Variants in ROBO2 observed in about 807,000 individuals in gnomAD.
The protein encoded by ROBO2 is roundabout homolog 2.
In ROBO2, 53 loss-of-function variants were observed where a neutral mutation model predicts 160.8. That is an observed-to-expected ratio of 0.33 (90% CI 0.26 to 0.41). The LOEUF is 0.41. ROBO2 is among the 10% of genes least tolerant of loss of function. The pLI is 1.00. For synonymous variants in ROBO2, 664 were observed against 611.7 expected, an observed-to-expected ratio of 1.09 and a Z score of -1.26; for missense variants, 1,577 against 1,722.4, an observed-to-expected ratio of 0.92 and a Z score of 1.49.
chr3:76,415,604 C>G (rs573307754), intron 2 of ROBO2, among the ~76,000 whole-genome samples: 3 of 152,298 alleles, frequency 2.0e-5, no homozygotes, highest in African/African-American at 7.2e-5. Context: ...AGTATTTATA[C>G]TGTGGTGTAT....
rs149943822 is a variant in ROBO2, at chr3:76,650,874, C to T, written c.110-447140C>T. Among the ~76,000 whole-genome samples the T allele has an allele frequency of 2.1e-4, 32 of 152,186 alleles. No homozygotes were observed. In the East Asian group the frequency reaches 5.4e-3, roughly 26 times the overall value. ...TACAGGAAAGGATTAAACCTTAAGA[C>T]GTTAATAGTAGCTAAAGTGTAGTAA... On this transcript the variant is annotated intron_variant, in intron 2 of 26. Coordinates refer to the ROBO2 transcript ENST00000487694.
At chr3:77,606,374 G>A (rs572806544) in intron 20 of ROBO2, among the ~76,000 whole-genome samples, 98 of 152,260 alleles carry the variant, frequency 6.4e-4, no homozygotes, top group African/African-American at 2.3e-3. Flanking sequence ...TAACTATTGA[G>A]TAACTTATCC....
intron 2 of ROBO2, among the ~76,000 whole-genome samples, chr3:76,762,862 A>G (rs972088673): frequency 5.3e-5 from 8 of 151,706 alleles, no homozygotes; most frequent in African/African-American, 1.9e-4. Context: ...TGTTATTTTC[A>G]TTTATATTTC....
chr3:76,335,099 G>T (rs908152953), intron 2 of ROBO2, among the ~76,000 whole-genome samples: 11 of 150,886 alleles, frequency 7.3e-5, no homozygotes, highest in Admixed American at 2.0e-4. Context: ...CAAACTCCTG[G>T]ACTCAAGTAC....
intron 2 of ROBO2, among the ~76,000 whole-genome samples, chr3:76,450,391 C>G (rs1301524956): frequency 1.3e-5 from 2 of 151,958 alleles, no homozygotes; most frequent in Non-Finnish European, 2.9e-5. Flanking sequence ...CTCTTTTAAT[C>G]AAAACTTATT....
intron 2 of ROBO2, among the ~76,000 whole-genome samples, chr3:76,836,562 G>T (rs953151015): frequency 2.0e-5 from 3 of 149,348 alleles, no homozygotes; most frequent in Non-Finnish European, 4.5e-5. Context: ...ACTTTTATTT[G>T]ATCCACATAC....
At chr3:77,172,371 T>C (rs1201733031) in intron 2 of ROBO2, among the ~76,000 whole-genome samples, 1 of 152,198 alleles carries the variant, frequency 6.6e-6, no homozygotes, top group Non-Finnish European at 1.5e-5. Context: ...TATTTCTTTT[T>C]TTGTGAGAAT....
intron 2 of ROBO2, among the ~76,000 whole-genome samples, chr3:76,655,969 C>T (rs899163512): frequency 6.6e-6 from 1 of 151,722 alleles, no homozygotes; most frequent in African/African-American, 2.4e-5. Context: ...TTAATGGTGG[C>T]ATGTTATTCT....
At chr3:77,097,395 T>G (rs1197124840) in intron 1 of ROBO2, among the ~76,000 whole-genome samples, 1 of 152,216 alleles carries the variant, frequency 6.6e-6, no homozygotes, top group Non-Finnish European at 1.5e-5. Flanking sequence ...TATACCTCTA[T>G]GCAGCGTATT....
chr3:77,212,098 C>G (rs2084255688), intron 2 of ROBO2, among the ~76,000 whole-genome samples: 1 of 152,058 alleles, frequency 6.6e-6, no homozygotes, highest in Admixed American at 6.6e-5. Context: ...GTAGTTTTTT[C>G]CAATTCTGTG....
chr3:76,199,246 CCTTGGCTGGCTTTG>C (rs1374593918), intron 2 of ROBO2, among the ~76,000 whole-genome samples: 3 of 152,102 alleles, frequency 2.0e-5, no homozygotes, highest in African/African-American at 7.2e-5. Flanking sequence ...GAGAAAGCCA[CCTTGGCTGGCTTTG>C]AAGATGTAGG....
At chr3:76,787,309 G>A (rs2063047326) in intron 2 of ROBO2, among the ~76,000 whole-genome samples, 1 of 143,728 alleles carries the variant, frequency 7.0e-6, no homozygotes, top group East Asian at 2.0e-4. Context: ...ATTTTTTCCA[G>A]TCATTAAATG....
chr3:76,709,243 A>T (rs547954954), intron 2 of ROBO2, among the ~76,000 whole-genome samples: 2 of 152,184 alleles, frequency 1.3e-5, no homozygotes, highest in Non-Finnish European at 2.9e-5. Context: ...TACCATTCAC[A>T]CAACATTTAA....
At chr3:76,745,430 C>G (rs1227704777) in intron 2 of ROBO2, among the ~76,000 whole-genome samples, 3 of 152,042 alleles carry the variant, frequency 2.0e-5, no homozygotes, top group African/African-American at 4.8e-5. Flanking sequence ...GAATTTTATT[C>G]TAGATAATCC....
chr3:77,302,960 T>C (rs1416798517), intron 2 of ROBO2, among the ~76,000 whole-genome samples: 2 of 152,190 alleles, frequency 1.3e-5, no homozygotes, highest in Non-Finnish European at 2.9e-5. Flanking sequence ...ATTTTTTCTT[T>C]ACTGCTCAGA....
chr3:76,803,926 A>G (rs1473459245), intron 2 of ROBO2, among the ~76,000 whole-genome samples: 1 of 152,242 alleles, frequency 6.6e-6, no homozygotes, highest in African/African-American at 2.4e-5. Flanking sequence ...GTGAAGCTAT[A>G]GGAAAATGAT....
intron 2 of ROBO2, among the ~76,000 whole-genome samples, chr3:76,441,262 G>T (rs965855103): frequency 3.3e-5 from 5 of 152,152 alleles, no homozygotes; most frequent in Non-Finnish European, 7.3e-5. Flanking sequence ...AAGAAGCCTA[G>T]AATGTCTGTG....
intron 2 of ROBO2, among the ~76,000 whole-genome samples, chr3:76,640,587 T>TGTGTG (rs1560287534): frequency 1.8e-5 from 1 of 55,328 alleles, no homozygotes; most frequent in African/African-American, 5.2e-5. Context: ...CAATGCGTGT[T>TGTGTG]TGCGTGTGAG....
chr3:76,099,822 G>T (rs1466351445), intron 2 of ROBO2, among the ~76,000 whole-genome samples: 1 of 152,112 alleles, frequency 6.6e-6, no homozygotes, highest in Non-Finnish European at 1.5e-5. Context: ...GACTCTTCAG[G>T]CTGGCTAACG....
Sources: gnomAD v4.1 joint callset for allele counts (sites outside exome capture counted in the v4.1 genomes callset) on GRCh38, gnomAD v4.1.1 for gene constraint, MANE v1.5 for transcripts, NCBI Gene and HGNC (gene_info 2026-07-23, HGNC 2026-07-21) for gene names.